Variants in BLVRB observed in about 807,000 individuals in gnomAD.
BLVRB encodes biliverdin reductase B.
BLVRB carries 25 observed loss-of-function variants against 21.1 expected under a neutral mutation model. The ratio of observed to expected loss-of-function variants is 1.19; its 90% CI spans 0.86 to 1.66. The LOEUF is 1.66. Ranked by LOEUF, BLVRB falls within the 40% of genes most tolerant of loss-of-function variation. The pLI is 0.00. For missense variants in BLVRB, 274 were observed against 282.7 expected, an observed-to-expected ratio of 0.97 and a Z score of 0.22; for synonymous variants, 128 against 122.2, an observed-to-expected ratio of 1.05 and a Z score of -0.31.
chr19:40,457,914 A>C, intron 3 of BLVRB: 1 of 494,612 alleles, frequency 2.0e-6, no homozygotes, highest in Non-Finnish European at 3.6e-6. Flanking sequence ...GATGATCTGG[A>C]TGTCAGTTTG....
rs76242534 is a variant in BLVRB, at chr19:40,464,743, A to C, written c.79+867T>G. 1.6e-4 allele frequency among the ~76,000 whole-genome samples: 24 copies of C among 152,292 alleles called. No individual in the cohort carries two copies. In the East Asian group the frequency reaches 4.2e-3, roughly 27 times the overall value. On this transcript the variant is annotated intron_variant, in intron 1 of 4. Transcript: ENST00000263368. ...TATGGACCTAGAGAAGAACTTTCAG[A>C]GTCCCTCCAAGGGAGACAGCAGAGT...
intron 4 of BLVRB, among the ~76,000 whole-genome samples, chr19:40,448,608 AATATATATATATATATATAT>A (rs55783717): frequency 1.4e-4 from 18 of 126,364 alleles, no homozygotes; most frequent in Non-Finnish European, 2.8e-4. Flanking sequence ...AACAACAACA[AATATATATATATATATATAT>A]ATATATATAT....
intron 1 of BLVRB, 98 bp downstream of exon 1, chr19:40,465,512 C>T (rs1020622444): frequency 3.4e-6 from 5 of 1,455,038 alleles, no homozygotes; most frequent in Non-Finnish European, 4.7e-6. Context: ...GGCTGGGGCG[C>T]TCATGGCCCC....
chr19:40,462,870 C>T (rs1166575761), intron 1 of BLVRB, among the ~76,000 whole-genome samples: 6 of 109,006 alleles, frequency 5.5e-5, no homozygotes, highest in African/African-American at 1.1e-4. Flanking sequence ...CCAGCCTGGG[C>T]GGCAGAGTGA....
intron 3 of BLVRB, among the ~76,000 whole-genome samples, chr19:40,455,078 C>T (rs1160652942): frequency 5.3e-5 from 8 of 150,282 alleles, no homozygotes; most frequent in African/African-American, 1.5e-4. Flanking sequence ...CACTCCTGGA[C>T]GCAAGCAATC....
At chr19:40,460,794 GA>G (rs1178907978) in intron 1 of BLVRB, among the ~76,000 whole-genome samples, 9 of 151,944 alleles carry the variant, frequency 5.9e-5, no homozygotes, top group Non-Finnish European at 8.8e-5. Flanking sequence ...CCAACACAGG[GA>G]AACCCCGCCT....
At chr19:40,465,123 G>A (rs1164388780) in intron 1 of BLVRB, among the ~76,000 whole-genome samples, 1 of 152,188 alleles carries the variant, frequency 6.6e-6, no homozygotes, top group African/African-American at 2.4e-5. Flanking sequence ...CATGAGCTGA[G>A]TTCAAATCCC....
intron 4 of BLVRB, 108 bp from the exon 5 acceptor site, chr19:40,448,154 G>A: frequency 8.1e-7 from 1 of 1,242,160 alleles, no homozygotes; most frequent in African/African-American, 1.5e-5. Context: ...TGTCCAGCCT[G>A]GGTGGTGTCA....
chr19:40,452,464 C>T (rs1490687829), intron 3 of BLVRB, among the ~76,000 whole-genome samples: 2 of 151,050 alleles, frequency 1.3e-5, no homozygotes, highest in African/African-American at 4.9e-5. Flanking sequence ...AGGGGTGAGC[C>T]ACCAAACCCC....
chr19:40,462,663 G>A (rs539184856), intron 1 of BLVRB, among the ~76,000 whole-genome samples: 4 of 148,574 alleles, frequency 2.7e-5, no homozygotes, highest in East Asian at 2.0e-4. Flanking sequence ...AGGCTGAGGC[G>A]GGCGGATCAT....
intron 1 of BLVRB, 133 bp from the exon 2 acceptor site, chr19:40,458,678 T>C: frequency 8.0e-7 from 1 of 1,244,332 alleles, no homozygotes; most frequent in South Asian, 1.7e-5. Flanking sequence ...TCTTCAAACA[T>C]TTTTGGTTTT....
At position 40,447,979 on chromosome 19, in the gene BLVRB, G is replaced by A; in HGVS notation, c.531C>T (p.Ser177=). 6.2e-7 allele frequency: 1 copy of A among 1,614,118 alleles called. No individual in the cohort carries two copies. The highest frequency in any genetic ancestry group is 8.5e-7 in the Non-Finnish European group (1 of 1,180,010). The change falls in exon 5 of 5, where the codon TCC becomes TCT. Residue 177 remains serine, a synonymous_variant. Coordinates refer to ENST00000263368, the MANE Select transcript of BLVRB (RefSeq NM_000713.3). ...GCATGAAATGGCCCAGGTCATGTTT[G>A]GAGATGACCCTTGAGGGCCCTCGTC... ...LDGRGPSRVI[S]KHDLGHFMLR...
At chr19:40,457,977 A>T (rs2079768898) in intron 3 of BLVRB, 178 bp downstream of exon 3, 1 of 626,708 alleles carries the variant, frequency 1.6e-6, no homozygotes. Flanking sequence ...AGCAGGGCCC[A>T]GGGCTGTACA....
chr19:40,451,314 G>A (rs779444848), intron 4 of BLVRB, 50 bp downstream of exon 4: 4 of 1,574,688 alleles, frequency 2.5e-6, no homozygotes, highest in South Asian at 2.3e-5. Flanking sequence ...CAGAGGGCAG[G>A]AGGGAACAGG....
intron 1 of BLVRB, among the ~76,000 whole-genome samples, chr19:40,458,924 C>T (rs755931064): frequency 3.3e-5 from 5 of 151,854 alleles, no homozygotes; most frequent in Non-Finnish European, 5.9e-5. Flanking sequence ...AACTCCTGGG[C>T]TCAGGTGATC....
At chr19:40,450,870 C>A (rs955726446) in intron 4 of BLVRB, among the ~76,000 whole-genome samples, 1 of 151,576 alleles carries the variant, frequency 6.6e-6, no homozygotes, top group African/African-American at 2.4e-5. Flanking sequence ...ATCTATCTAT[C>A]TATCTATCTA....
intron 1 of BLVRB, among the ~76,000 whole-genome samples, chr19:40,459,116 G>C (rs1417041878): frequency 1.3e-5 from 2 of 150,290 alleles, no homozygotes; most frequent in East Asian, 2.0e-4. Context: ...GATCACCTGA[G>C]GTCAGGAGTT....
chr19:40,463,810 C>T (rs1194502219), intron 1 of BLVRB, among the ~76,000 whole-genome samples: 1 of 151,528 alleles, frequency 6.6e-6, no homozygotes, highest in Non-Finnish European at 1.5e-5. Context: ...TCTTGTCGCC[C>T]AGGCTGGAAT....
chr19:40,463,551 CTCCT>C (rs1341311193), intron 1 of BLVRB, among the ~76,000 whole-genome samples: 12 of 144,906 alleles, frequency 8.3e-5, no homozygotes, highest in Non-Finnish European at 1.8e-4. Context: ...CCCTCCCTCC[CTCCT>C]TCCCTCCCTT....
Sources: gnomAD v4.1 joint callset for allele counts (sites outside exome capture counted in the v4.1 genomes callset) on GRCh38, gnomAD v4.1.1 for gene constraint, MANE v1.5 for transcripts, NCBI Gene and HGNC (gene_info 2026-07-23, HGNC 2026-07-21) for gene names.